VSIG8: variants seen among roughly 807,000 people sequenced by gnomAD.
The protein encoded by VSIG8 is V-set and immunoglobulin domain-containing protein 8.
Under a neutral mutation model 42.6 loss-of-function variants are expected in VSIG8, and 32 were observed. The ratio of observed to expected loss-of-function variants is 0.75; its 90% CI spans 0.57 to 1.01. VSIG8 has a LOEUF of 1.01. VSIG8 is among the 50% of genes least tolerant of loss of function. The pLI is 0.00. For missense variants in VSIG8, 529 were observed against 558.0 expected, an observed-to-expected ratio of 0.95 and a Z score of 0.52; for synonymous variants, 290 against 243.8, an observed-to-expected ratio of 1.19 and a Z score of -1.77.
rs1160961598 is a variant in VSIG8, at chr1:159,854,683, T to C, written c.*70A>G. On this transcript the variant is annotated 3_prime_UTR_variant, in exon 7 of 7. Transcript: ENST00000368100. ...CGAGGTCGTCCCCAGCCCCGACGTG[T>C]CCCCAGCTGCAGACAGAGAGCCCCG... 30 of 1,386,484 alleles carry C rather than the reference T, an allele frequency of 2.2e-5. No individual in the cohort carries two copies. The highest frequency in any genetic ancestry group is 5.2e-4 in the Middle Eastern group (2 of 3,814). The allele number at this position is 1,386,484 out of a possible 1,614,324, so 85.9% of individuals were successfully genotyped here.
At chr1:159,857,680 C>G in intron 4 of VSIG8, 65 bp downstream of exon 4, 1 of 1,409,974 alleles carries the variant, frequency 7.1e-7, no homozygotes, top group Non-Finnish European at 9.8e-7. Flanking sequence ...AAGGAAACCC[C>G]AACAGGTCCC....
intron 6 of VSIG8, 63 bp from the exon 7 acceptor site, chr1:159,855,089 T>C (rs1648768906): frequency 1.9e-6 from 3 of 1,558,286 alleles, no homozygotes; most frequent in African/African-American, 1.4e-5. Flanking sequence ...GGGCACGGCC[T>C]GGGCAGAGCC....
Position 159,855,214 on chromosome 1 carries a change from C to G in VSIG8, c.972-188G>C, listed in dbSNP as rs72700643. On this transcript the variant is annotated intron_variant, in intron 6 of 6. Coordinates refer to ENST00000368100, the MANE Select transcript of VSIG8 (RefSeq NM_001013661.1). The stretch of plus-strand genomic sequence containing the variant: ...CCTTCCTGGGTCGGCGACCCTGCAG[C>G]GGTCCCGGAGCCAGCATCCCCATCC... The G allele has an allele frequency of 6.0e-3, 9,318 of 1,551,564 alleles. 34 individuals carry two copies. The highest frequency in any genetic ancestry group is 7.2e-3 in the Non-Finnish European group (8,293 of 1,146,910).
rs1366804796 is a variant in VSIG8, at chr1:159,855,016, C to T, written c.982G>A (p.Val328Met). 5.1e-6 allele frequency: 8 copies of T among 1,570,296 alleles called. No individual in the cohort carries two copies. In the Middle Eastern group the frequency reaches 5.1e-4, roughly 101 times the overall value. Residue 328 changes from valine to methionine, a missense_variant, in exon 7 of 7, where the codon GTG (valine) becomes ATG (methionine). Physicochemically the swap from Val to Met is conservative, Grantham distance 21. Transcript: ENST00000368100. ...CCGCTGGCCTTGCACCCGGGCGCCA[C>T]GGCGTCCTCTCTGTGGAAAACAACA... is the stretch of plus-strand genomic sequence containing the variant. The part of the protein sequence containing the change: ...DLASEIREDA[V>M]APGCKASGRG...
In VSIG8 at chr1:159,856,655, G is replaced by A. The variant is rs1648839197; in HGVS notation, c.653-12C>T. On this transcript the variant is annotated splice_polypyrimidine_tract_variant and intron_variant, in intron 4 of 6. Coordinates refer to ENST00000368100, the MANE Select transcript of VSIG8 (RefSeq NM_001013661.1). ...CCCATTGTTCAGGCCTGAAAGTGAA[G>A]TGGAGAGAGGCCTGGTCTCTGAGAG... The A allele has an allele frequency of 6.2e-7, 1 of 1,613,156 alleles. No homozygotes were observed. Among genetic ancestry groups the A allele is most frequent in the Admixed American group, 1.7e-5 (1 of 59,910 alleles).
Position 159,858,206 on chromosome 1 carries a change from C to CT in VSIG8, c.313dup (p.Ser105LysfsTer16), listed in dbSNP as rs1380249114. The CT allele has an allele frequency of 1.9e-6, 3 of 1,614,234 alleles. No homozygotes were observed. Among genetic ancestry groups the CT allele is most frequent in the Non-Finnish European group, 2.5e-6 (3 of 1,180,050 alleles). ...GAGGTTGATGGAGGCATCGTACTGG[C>CT]TTGGGTCTGAGGCTGCAAAGCGGAC... On this transcript the variant is annotated frameshift_variant, in exon 3 of 7. Transcript: ENST00000368100. LOFTEE classifies it high-confidence loss of function.
At chr1:159,855,330 CAGA>C (rs1648780474) in intron 6 of VSIG8, 12 of 1,499,754 alleles carry the variant, frequency 8.0e-6, no homozygotes, top group Non-Finnish European at 1.1e-5. Context: ...TTCGCAGGCC[CAGA>C]AGAAGGTGCT....
At chr1:159,857,654 A>G (rs1648882045) in intron 4 of VSIG8, 91 bp downstream of exon 4, 1 of 1,021,148 alleles carries the variant, frequency 9.8e-7, no homozygotes, top group South Asian at 1.5e-5. Context: ...GTTTGATTTG[A>G]TGGCACTGAT....
chr1:159,858,727 C>T lies in VSIG8; in HGVS notation c.228+7G>A, dbSNP rs1398324137. On this transcript the variant is annotated splice_region_variant and intron_variant, in intron 2 of 6. Transcript: ENST00000368100. ...AGAGGAAGGAGACCCCTGTGCCCAG[C>T]ACTCACCACGTTCTCTCGGTGGTGG... 6.2e-7 allele frequency: 1 copy of T among 1,606,992 alleles called. No homozygotes were observed. Among genetic ancestry groups the T allele is most frequent in the Non-Finnish European group, 8.5e-7 (1 of 1,176,676 alleles).
intron 1 of VSIG8, among the ~76,000 whole-genome samples, chr1:159,859,188 G>C (rs553661750): frequency 6.6e-6 from 1 of 152,190 alleles, no homozygotes; most frequent in South Asian, 2.1e-4. Flanking sequence ...ATATGTACAC[G>C]TATGTACATT....
chr1:159,857,609 A>G (rs1236458797), intron 4 of VSIG8, 136 bp downstream of exon 4: 1 of 630,388 alleles, frequency 1.6e-6, no homozygotes, highest in Non-Finnish European at 2.7e-6. Flanking sequence ...CTGCTGGGGC[A>G]GGCCCAGAGG....
chr1:159,858,327 G>A (rs760456899), intron 2 of VSIG8, 36 bp from the exon 3 acceptor site: 1 of 1,610,020 alleles, frequency 6.2e-7, no homozygotes, highest in Non-Finnish European at 8.5e-7. Context: ...GGTGAAACAG[G>A]CAGAGCCAAG....
chr1:159,857,214 C>T lies in VSIG8; in HGVS notation c.652+531G>A, dbSNP rs1648862398. Among the ~76,000 whole-genome samples, 5 of 152,346 alleles carry T rather than the reference C, an allele frequency of 3.3e-5. No individual in the cohort carries two copies. In the South Asian group the frequency reaches 1.0e-3, roughly 32 times the overall value. On this transcript the variant is annotated intron_variant, in intron 4 of 6. Coordinates refer to ENST00000368100, the MANE Select transcript of VSIG8 (RefSeq NM_001013661.1). ...AAGCCCAGCTCTGTCTGAGACCAGG[C>T]TCCCTCCAAATTCGCCATAGTACTT...
Position 159,854,851 on chromosome 1 carries a change from C to A in VSIG8, c.1147G>T (p.Glu383Ter), listed in dbSNP as rs1203186597. 2 of 1,481,616 alleles carry A rather than the reference C, an allele frequency of 1.3e-6. No homozygotes were observed. 91.8% of individuals were successfully genotyped at this position (1,481,616 alleles called of 1,614,324 possible). A position where few individuals can be genotyped will look rare whatever the true frequency, so the allele number is the denominator to read the frequency against. Reference protein sequence around the residue: ...LAPCTAAAACEAGPSPVYVKV... With the variant: ...LAPCTAAAAC ...ACGTAGACCGGGGAGGGGCCCGCTT[C>A]GCAGGCGGCGGCGGCGGTGCAGGGC... Residue 383 changes from glutamate to a stop codon, truncating the protein, a stop_gained, in exon 7 of 7, where the codon GAA (glutamate) becomes TAA (stop). Coordinates refer to ENST00000368100, the MANE Select transcript of VSIG8 (RefSeq NM_001013661.1). LOFTEE classifies it high-confidence loss of function.
chr1:159,855,979 C>T lies in VSIG8; in HGVS notation c.875G>A (p.Gly292Glu), dbSNP rs767337805. Residue 292 changes from glycine to glutamate, a missense_variant, in exon 6 of 7, where the codon GGG becomes GAG. Physicochemically the swap from Gly to Glu is moderately conservative, Grantham distance 98. Transcript: ENST00000368100. ...GCGGGCGCCGCCAGCCCCGGAGCCCCCGCAGCAGCAGCAGACGAGCCCCCA... is the reference window on the plus strand; with the variant it reads ...GCGGGCGCCGCCAGCCCCGGAGCCCTCGCAGCAGCAGCAGACGAGCCCCCA... ...GIWGLVCCCC[G>E]GSGAGGARGA... 1.9e-6 allele frequency: 3 copies of T among 1,600,426 alleles called. No homozygotes were observed. In the South Asian group the frequency reaches 3.4e-5, roughly 18 times the overall value.
In VSIG8 at chr1:159,856,643, C is replaced by T. The variant is rs370539826; in HGVS notation, c.653G>A (p.Gly218Asp). 11 of 1,613,734 alleles carry T rather than the reference C, an allele frequency of 6.8e-6. No homozygotes were observed. Among genetic ancestry groups the T allele is most frequent in the African/African-American group, 1.3e-5 (1 of 75,024 alleles). ...CAACACCAGGTCCCCATTGTTCAGGCCTGAAAGTGAAGTGGAGAGAGGCCT... is the reference window on the plus strand; with the variant it reads ...CAACACCAGGTCCCCATTGTTCAGGTCTGAAAGTGAAGTGGAGAGAGGCCT... ...QESFHSSINQGLNNGDLVLKD... is the reference protein window; with the variant it reads ...QESFHSSINQDLNNGDLVLKD... The change falls in exon 5 of 7, where the codon GGC becomes GAC. Residue 218 changes from glycine (G) to aspartate (D), a missense_variant and splice_region_variant. Coordinates refer to ENST00000368100, the MANE Select transcript of VSIG8 (RefSeq NM_001013661.1).
At chr1:159,855,802 G>A in intron 6 of VSIG8, 81 bp downstream of exon 6, 5 of 1,454,372 alleles carry the variant, frequency 3.4e-6, no homozygotes, top group Non-Finnish European at 1.8e-6. Flanking sequence ...GGGCCCAGCC[G>A]GCCGGTGGCA....
chr1:159,860,234 C>T (rs749576219), intron 1 of VSIG8, among the ~76,000 whole-genome samples: 5 of 152,164 alleles, frequency 3.3e-5, no homozygotes, highest in South Asian at 2.1e-4. Flanking sequence ...CAAATCGGCA[C>T]GTGGCCCACT....
At chr1:159,860,694 G>A (rs1648991000) in intron 1 of VSIG8, 2 of 152,266 alleles carry the variant, frequency 1.3e-5, no homozygotes, top group African/African-American at 4.8e-5. Flanking sequence ...GGATCCTGCT[G>A]CCATCTGCCA....
Sources: gnomAD v4.1 joint callset for allele counts (sites outside exome capture counted in the v4.1 genomes callset) on GRCh38, gnomAD v4.1.1 for gene constraint, MANE v1.5 for transcripts, NCBI Gene and HGNC (gene_info 2026-07-23, HGNC 2026-07-21) for gene names.